The following FAM153A variants were observed in gnomAD, a reference collection of about 807,000 sequenced individuals.
The protein encoded by FAM153A is family with sequence similarity 153 member A.
Under a neutral mutation model 48.1 loss-of-function variants are expected in FAM153A, and 12 were observed. The observed-to-expected ratio is 0.25, with a 90% CI of 0.16 to 0.40. FAM153A has a LOEUF of 0.40. Ranked by LOEUF, FAM153A falls within the 10% of genes least tolerant of loss-of-function variation. The pLI, the probability that FAM153A is intolerant of heterozygous loss-of-function variation, is 1.00. For missense variants in FAM153A, 111 were observed against 345.8 expected (o/e 0.32, Z 5.38); for synonymous variants, 36 against 118.2 (o/e 0.30, Z 4.51).
intron 26 of FAM153A, chr5:177,713,244 TTTTCTTTCTTTTC>T (rs1758791303): frequency 7.0e-6 from 1 of 142,326 alleles, no homozygotes; most frequent in Non-Finnish European, 1.5e-5. Flanking sequence ...CGTGTTTTCT[TTTTCTTTCTTTTC>T]TTTTTTTTTT....
upstream of FAM153A, among the ~76,000 whole-genome samples, chr5:177,755,208 T>A (rs546576225): frequency 6.6e-6 from 1 of 151,964 alleles, no homozygotes; most frequent in Admixed American, 6.5e-5. Context: ...CAGTAGTCGA[T>A]TCGATCAACT....
rs555271783 is a variant in FAM153A, at chr5:177,749,294, C to A, written c.176-595G>T. ...AAAGTATAGTGTAATGTAAACCAGGCAACCCTCCTCCCCCAAAATATAACA... is the reference window on the plus strand; with the variant it reads ...AAAGTATAGTGTAATGTAAACCAGGAAACCCTCCTCCCCCAAAATATAACA... On this transcript the variant is annotated intron_variant, in intron 2 of 20. Transcript: ENST00000614127. Among the ~76,000 whole-genome samples, 674 of 150,862 alleles carry A rather than the reference C, an allele frequency of 4.5e-3. 1 individual carries two copies. Among genetic ancestry groups the A allele is most frequent in the Non-Finnish European group, 8.1e-3 (548 of 67,824 alleles).
chr5:177,709,684 T>TG (rs1482146199), downstream of FAM153A, among the ~76,000 whole-genome samples: 1 of 142,846 alleles, frequency 7.0e-6, no homozygotes, highest in Non-Finnish European at 1.5e-5. Flanking sequence ...GTTTTTTTTT[T>TG]TTTTTGACCA....
At position 177,730,266 on chromosome 5, in the gene FAM153A, C is replaced by T. The variant is rs573247499; in HGVS notation, c.863-711G>A. 2.5e-5 allele frequency among the ~76,000 whole-genome samples: 3 copies of T among 120,210 alleles called. 1 individual carries two copies. Among genetic ancestry groups the T allele is most frequent in the African/African-American group, 5.4e-5 (2 of 37,064 alleles). The allele number at this position is 120,210 out of a possible 152,430, so 78.9% of individuals were successfully genotyped here. Reference sequence around the variant, plus strand: ...GGGGGCGGGCACTGACCCTCTCCAACCCAGCTGTGCAGGAGATTCCTGCAG... The same window carrying T: ...GGGGGCGGGCACTGACCCTCTCCAATCCAGCTGTGCAGGAGATTCCTGCAG... On this transcript the variant is annotated intron_variant, in intron 16 of 20. Transcript: ENST00000614127.
Position 177,734,133 on chromosome 5 carries a change from A to G in FAM153A, c.760+247T>C, listed in dbSNP as rs980145624. ...CCACAGCACCACATGAATTCACAAA[A>G]GACATGAGCAGGCCCCTTGCACGGG... On this transcript the variant is annotated intron_variant, in intron 14 of 20. Transcript: ENST00000614127. 4.1e-5 allele frequency among the ~76,000 whole-genome samples: 5 copies of G among 122,004 alleles called. 1 individual carries two copies. The highest frequency in any genetic ancestry group is 1.4e-4 in the African/African-American group (5 of 35,864). 80.0% of individuals were successfully genotyped at this position (122,004 alleles called of 152,430 possible).
At chr5:177,700,645 T>C in the FAM153A span, among the ~76,000 whole-genome samples, 3 of 151,576 alleles carry the variant, frequency 2.0e-5, no homozygotes, top group African/African-American at 7.3e-5. Context: ...CTACTAAAAA[T>C]ATAAACATTA....
chr5:177,719,582 T>A (rs1291347443), downstream of FAM153A, among the ~76,000 whole-genome samples: 28 of 144,088 alleles, frequency 1.9e-4, no homozygotes, highest in East Asian at 4.1e-4. Context: ...TTATTTATTT[T>A]TTTTTCGAGG....
At chr5:177,737,648 G>A (rs1009459791) in intron 10 of FAM153A, among the ~76,000 whole-genome samples, 1 of 151,396 alleles carries the variant, frequency 6.6e-6, no homozygotes, top group Non-Finnish European at 1.5e-5. Flanking sequence ...AGCCTCCTGA[G>A]TAGCTGGGAT....
chr5:177,727,120 C>G (rs1233199999), intron 18 of FAM153A, among the ~76,000 whole-genome samples: 1 of 151,194 alleles, frequency 6.6e-6, no homozygotes, highest in African/African-American at 2.5e-5. Context: ...GACTCTCCCC[C>G]CTGGTGATTC....
the FAM153A span, among the ~76,000 whole-genome samples, chr5:177,698,160 G>A: frequency 1.3e-5 from 2 of 151,586 alleles, no homozygotes; most frequent in Non-Finnish European, 2.9e-5. Context: ...GGAAGGAATT[G>A]TGCCAACCAA....
At chr5:177,697,904 C>T in the FAM153A span, among the ~76,000 whole-genome samples, 2 of 148,644 alleles carry the variant, frequency 1.3e-5, no homozygotes, top group East Asian at 3.9e-4. Context: ...GACCTGAGTC[C>T]TTACTGTCCC....
the FAM153A span, among the ~76,000 whole-genome samples, chr5:177,702,759 A>G: frequency 2.0e-5 from 3 of 151,930 alleles, no homozygotes; most frequent in Non-Finnish European, 4.4e-5. Context: ...AGCTTAGGCC[A>G]CTGCTTCAGA....
At chr5:177,753,257 C>A (rs371136382), upstream of FAM153A, 5 of 1,539,868 alleles carry the variant, frequency 3.2e-6, no homozygotes, top group Non-Finnish European at 2.7e-6. Flanking sequence ...CGTTCAGTTG[C>A]CAGAATGGCA....
chr5:177,754,199 T>C (rs549098149), upstream of FAM153A, among the ~76,000 whole-genome samples: 1 of 152,158 alleles, frequency 6.6e-6, no homozygotes, highest in South Asian at 2.1e-4. Context: ...ATCCTGCACC[T>C]GGCTCGGAGG....
intron 12 of FAM153A, among the ~76,000 whole-genome samples, chr5:177,735,320 T>C (rs557537743): frequency 1.7e-4 from 23 of 135,122 alleles, no homozygotes; most frequent in African/African-American, 6.4e-4. Context: ...TTTCTTAAAA[T>C]AGGAGATTTA....
At chr5:177,706,523 T>C (rs537601058), downstream of FAM153A, among the ~76,000 whole-genome samples, 1 of 152,090 alleles carries the variant, frequency 6.6e-6, no homozygotes, top group East Asian at 1.9e-4. Context: ...TAGAGTAACA[T>C]GTAATTTTTA....
chr5:177,737,751 C>G (rs1582393067), intron 10 of FAM153A, among the ~76,000 whole-genome samples: 1 of 151,790 alleles, frequency 6.6e-6, no homozygotes, highest in East Asian at 1.9e-4. Context: ...AACGCCTGAC[C>G]TCAGGTGATC....
chr5:177,755,914 G>A (rs919205288), upstream of FAM153A, among the ~76,000 whole-genome samples: 199 of 151,038 alleles, frequency 1.3e-3, no homozygotes, highest in Middle Eastern at 0.01. Flanking sequence ...AGGCTAGGAA[G>A]AAACTGCGTC....
At chr5:177,756,077 T>C (rs1451547395), upstream of FAM153A, among the ~76,000 whole-genome samples, 1 of 149,156 alleles carries the variant, frequency 6.7e-6, no homozygotes, top group Non-Finnish European at 1.5e-5. Flanking sequence ...CAGTGTGCTA[T>C]ATTCAGGAAA....
Sources: allele counts gnomAD v4.1 joint callset (sites outside exome capture counted in the v4.1 genomes callset), GRCh38; gene constraint gnomAD v4.1.1; transcripts MANE v1.5; gene names NCBI Gene and HGNC (gene_info 2026-07-23, HGNC 2026-07-21).